The following SDK1 variants were observed in gnomAD, a reference collection of about 807,000 sequenced individuals.
SDK1 encodes the protein protein sidekick-1.
SDK1 carries 157 observed loss-of-function variants against 245.5 expected under a neutral mutation model. That is an observed-to-expected ratio of 0.64 (90% CI 0.56 to 0.73). The LOEUF (loss-of-function observed/expected upper bound fraction) is 0.73. Among genes scored for constraint, SDK1 ranks in the 30% least tolerant of loss-of-function variants. The pLI is 0.00. For synonymous variants in SDK1, 1,647 were observed against 1,278.5 expected, an observed-to-expected ratio of 1.29 and a Z score of -6.15; for missense variants, 3,583 against 3,002.3, an observed-to-expected ratio of 1.19 and a Z score of -4.52.
intron 1 of SDK1, among the ~76,000 whole-genome samples, chr7:3,560,435 T>A (rs1002224954): frequency 1.3e-5 from 2 of 152,200 alleles, no homozygotes; most frequent in Non-Finnish European, 2.9e-5. Flanking sequence ...TTGTTTTTTT[T>A]TAAACTTATA....
In SDK1 at chr7:3,763,014, TAGG is replaced by T. The variant is rs952722417; in HGVS notation, c.714-58433_714-58431del. On this transcript the variant is annotated intron_variant, in intron 4 of 44. Transcript: ENST00000404826. The stretch of plus-strand genomic sequence containing the variant: ...CTTGGCACGTGATAGGAATTCAAGA[TAGG>T]AGAGTAATTTTCTGGGATCCTTTTT... Among the ~76,000 whole-genome samples the T allele has an allele frequency of 3.0e-3, 461 of 152,262 alleles. 2 individuals carry two copies. Among genetic ancestry groups the T allele is most frequent in the African/African-American group, 0.011 (444 of 41,550 alleles).
chr7:3,775,811 C>T (rs1780541059), intron 4 of SDK1, among the ~76,000 whole-genome samples: 1 of 152,120 alleles, frequency 6.6e-6, no homozygotes, highest in Non-Finnish European at 1.5e-5. Context: ...CTCCTGACCT[C>T]ATGATCCACC....
intron 1 of SDK1, among the ~76,000 whole-genome samples, chr7:3,495,869 C>T (rs148745793): frequency 2.0e-5 from 3 of 152,336 alleles, no homozygotes; most frequent in East Asian, 1.9e-4. Context: ...GAGATGCCAG[C>T]GGTCTCCTGA....
chr7:3,691,958 G>A (rs1033383838), intron 4 of SDK1, among the ~76,000 whole-genome samples: 14 of 151,904 alleles, frequency 9.2e-5, no homozygotes, highest in East Asian at 7.7e-4. Context: ...CTCCCCTCCC[G>A]CTGGGTCTTT....
chr7:3,447,594 A>C (rs924767489), intron 1 of SDK1, among the ~76,000 whole-genome samples: 10 of 152,066 alleles, frequency 6.6e-5, no homozygotes, highest in African/African-American at 2.4e-4. Flanking sequence ...TGTACTAATT[A>C]ATTCAGTTAT....
At chr7:3,514,025 G>A (rs527797689) in intron 1 of SDK1, among the ~76,000 whole-genome samples, 4 of 152,108 alleles carry the variant, frequency 2.6e-5, no homozygotes, top group East Asian at 3.9e-4. Flanking sequence ...TCTTTATTCA[G>A]TCCACCATTG....
At chr7:4,209,169 C>G (rs894281559) in intron 37 of SDK1, among the ~76,000 whole-genome samples, 1 of 152,184 alleles carries the variant, frequency 6.6e-6, no homozygotes, top group East Asian at 1.9e-4. Context: ...GTGCCCGCAT[C>G]TGAGCTGGAA....
chr7:4,242,999 C>G (rs556214926), intron 43 of SDK1, among the ~76,000 whole-genome samples: 17 of 152,348 alleles, frequency 1.1e-4, no homozygotes, highest in Non-Finnish European at 1.9e-4. Flanking sequence ...GAGGTGGATG[C>G]TGGTGGTGAC....
At chr7:3,445,017 C>G (rs905187976) in intron 1 of SDK1, among the ~76,000 whole-genome samples, 1 of 152,086 alleles carries the variant, frequency 6.6e-6, no homozygotes, top group Admixed American at 6.6e-5. Flanking sequence ...AGTCAGTAGG[C>G]ATATTTGTAG....
intron 1 of SDK1, among the ~76,000 whole-genome samples, chr7:3,480,887 C>A (rs1781501535): frequency 6.6e-6 from 1 of 152,180 alleles, no homozygotes; most frequent in Non-Finnish European, 1.5e-5. Context: ...ATCGGACTTC[C>A]AGTTAGTGTT....
At chr7:3,915,468 G>A (rs1297127199) in intron 5 of SDK1, among the ~76,000 whole-genome samples, 1 of 152,208 alleles carries the variant, frequency 6.6e-6, no homozygotes, top group African/African-American at 2.4e-5. Flanking sequence ...AGTCTCATGA[G>A]ATCGGATGGT....
intron 1 of SDK1, among the ~76,000 whole-genome samples, chr7:3,454,368 T>G (rs1056317592): frequency 6.5e-5 from 9 of 139,306 alleles, no homozygotes; most frequent in Non-Finnish European, 1.4e-4. Flanking sequence ...GCATTTCGAT[T>G]TTTTCGTGTT....
At position 3,607,104 on chromosome 7, in the gene SDK1, C is replaced by T. The variant is rs1314707196; in HGVS notation, c.299-11976C>T. On this transcript the variant is annotated intron_variant, in intron 1 of 44. Transcript: ENST00000404826. ...TAGAAAGTGAAGTGGTTTGTGAAGC[C>T]CCTAAACTGGCCACTAGTCACTACC... Among the ~76,000 whole-genome samples the T allele has an allele frequency of 3.6e-4, 55 of 151,936 alleles. 1 individual carries two copies. Among genetic ancestry groups the T allele is most frequent in the African/African-American group, 2.4e-5 (1 of 41,360 alleles).
At chr7:3,400,292 T>G (rs1778855064) in intron 1 of SDK1, among the ~76,000 whole-genome samples, 1 of 152,150 alleles carries the variant, frequency 6.6e-6, no homozygotes, top group Non-Finnish European at 1.5e-5. Context: ...TTTAGATTGT[T>G]GTACAGCTTT....
chr7:3,603,310 A>G lies in SDK1; in HGVS notation c.299-15770A>G, dbSNP rs1036735143. Among the ~76,000 whole-genome samples the G allele has an allele frequency of 1.5e-3, 219 of 149,148 alleles. 1 individual carries two copies. The highest frequency in any genetic ancestry group is 2.4e-3 in the Non-Finnish European group (163 of 67,176). ...TTCACGATATTGATTCTTCCTACCC[A>G]TGAGCATGGAATGTTCTTCCATTTG... On this transcript the variant is annotated intron_variant, in intron 1 of 44. Coordinates refer to ENST00000404826, the MANE Select transcript of SDK1 (RefSeq NM_152744.4).
chr7:4,013,764 G>A (rs1328632443), intron 16 of SDK1, among the ~76,000 whole-genome samples: 1 of 152,186 alleles, frequency 6.6e-6, no homozygotes, highest in Non-Finnish European at 1.5e-5. Flanking sequence ...GGTTTAAATG[G>A]GCCATCCCCA....
intron 1 of SDK1, among the ~76,000 whole-genome samples, chr7:3,501,523 C>T (rs1394134648): frequency 3.3e-5 from 5 of 152,038 alleles, no homozygotes; most frequent in East Asian, 3.9e-4. Context: ...GTTTTTATTT[C>T]GTGCTCCTGA....
chr7:3,409,364 A>T lies in SDK1; in HGVS notation c.298+107480A>T, dbSNP rs1018005816. 4.7e-5 allele frequency among the ~76,000 whole-genome samples: 7 copies of T among 148,624 alleles called. No homozygotes were observed. In the Admixed American group the frequency reaches 4.7e-4, roughly 10 times the overall value. The stretch of plus-strand genomic sequence containing the variant: ...ATACTCTTGGTTAACCTGAGAATGG[A>T]TTACAATCTGATCACATACTTACTG... On this transcript the variant is annotated intron_variant, in intron 1 of 44. Transcript: ENST00000404826.
chr7:3,472,354 C>T (rs548937218), intron 1 of SDK1, among the ~76,000 whole-genome samples: 231 of 151,976 alleles, frequency 1.5e-3, no homozygotes, highest in African/African-American at 5.4e-3. Flanking sequence ...GATATATGCC[C>T]AGTATGCTAT....
Sources: allele counts gnomAD v4.1 joint callset (sites outside exome capture counted in the v4.1 genomes callset), GRCh38; gene constraint gnomAD v4.1.1; transcripts MANE v1.5; gene names NCBI Gene and HGNC (gene_info 2026-07-23, HGNC 2026-07-21).